Variants in FN3K observed in about 807,000 individuals in gnomAD.
FN3K encodes the protein fructosamine-3-kinase.
In FN3K, 24 loss-of-function variants were observed where a neutral mutation model predicts 24.8. The observed-to-expected ratio is 0.97, with a 90% CI of 0.70 to 1.36. The LOEUF is 1.36. Among genes scored for constraint, FN3K ranks in the 40% most tolerant of loss-of-function variants. The pLI is 0.00. For missense variants in FN3K, 449 were observed against 416.7 expected (o/e 1.08, Z -0.67); for synonymous variants, 192 against 175.2 (o/e 1.10, Z -0.76).
chr17:82,739,651 G>T (rs2046929715), intron 2 of FN3K, among the ~76,000 whole-genome samples: 1 of 152,012 alleles, frequency 6.6e-6, no homozygotes, highest in Admixed American at 6.6e-5. Context: ...TAGAGACGGG[G>T]TTTCACCATG....
chr17:82,735,925 G>C (rs937908176), intron 1 of FN3K, 148 bp downstream of exon 1: 1 of 1,048,706 alleles, frequency 9.5e-7, no homozygotes, highest in Non-Finnish European at 1.4e-6. Flanking sequence ...GGGTGAGCCC[G>C]GCTCAAGCGT....
intron 5 of FN3K, chr17:82,749,674 A>C (rs1459197223): frequency 1.3e-5 from 2 of 158,954 alleles, no homozygotes. Context: ...AAAAAGAAAA[A>C]AAATCAAAAT....
At chr17:82,737,513 G>A (rs1367258945) in intron 1 of FN3K, among the ~76,000 whole-genome samples, 2 of 152,072 alleles carry the variant, frequency 1.3e-5, no homozygotes, top group Non-Finnish European at 1.5e-5. Flanking sequence ...TAGTAGAGAC[G>A]AGGTTTCACC....
intron 4 of FN3K, among the ~76,000 whole-genome samples, chr17:82,748,057 C>T (rs151128178): frequency 3.9e-5 from 6 of 152,026 alleles, no homozygotes; most frequent in African/African-American, 7.2e-5. Context: ...GTTCATTAGT[C>T]GACTCCCTTT....
intron 1 of FN3K, chr17:82,736,142 T>G (rs1598339540): frequency 7.8e-6 from 2 of 255,046 alleles, no homozygotes; most frequent in African/African-American, 2.3e-5. Context: ...GCTGGGCCCC[T>G]GGCAGGGACC....
intron 4 of FN3K, among the ~76,000 whole-genome samples, chr17:82,743,712 A>T (rs912603759): frequency 2.6e-4 from 40 of 152,216 alleles, no homozygotes; most frequent in African/African-American, 9.4e-4. Flanking sequence ...AATGTCACTG[A>T]TCCGTTTTAT....
chr17:82,735,635 C>A lies in FN3K; in HGVS notation c.-2C>A, dbSNP rs1287057839. The A allele has an allele frequency of 6.5e-7, 1 of 1,533,698 alleles. No individual in the cohort carries two copies. Among genetic ancestry groups the A allele is most frequent in the Non-Finnish European group, 8.7e-7 (1 of 1,148,592 alleles). On this transcript the variant is annotated 5_prime_UTR_variant, in exon 1 of 6. Coordinates refer to ENST00000300784, the MANE Select transcript of FN3K (RefSeq NM_022158.4). ...CGAGCAGAGTCCCGCGCCCCGCACT[C>A]CATGGAGCAGCTGCTGCGCGCCGAG...
chr17:82,738,947 T>TATACGTGTATATATATATATACGTA (rs1491164859), intron 2 of FN3K, among the ~76,000 whole-genome samples: 2 of 65,284 alleles, frequency 3.1e-5, no homozygotes, highest in African/African-American at 1.3e-4. Flanking sequence ...TATATATATA[T>TATACGTGTATATATATATATACGTA]TTTTTTTTTT....
intron 2 of FN3K, among the ~76,000 whole-genome samples, chr17:82,740,245 T>C (rs2046932980): frequency 6.6e-6 from 1 of 152,082 alleles, no homozygotes. Context: ...TCAGCATTCC[T>C]CCCTTAATTC....
At chr17:82,747,792 A>C (rs1438115216) in intron 4 of FN3K, among the ~76,000 whole-genome samples, 1 of 152,186 alleles carries the variant, frequency 6.6e-6, no homozygotes, top group Non-Finnish European at 1.5e-5. Context: ...GAGAAATCCT[A>C]CTCTATTCCT....
Position 82,750,883 on chromosome 17 carries a change from T to TC in FN3K, c.*134dup. On this transcript the variant is annotated 3_prime_UTR_variant, in exon 6 of 6. Coordinates refer to ENST00000300784, the MANE Select transcript of FN3K (RefSeq NM_022158.4). ...CCGTCTCCCCGTCCCTCCGTCTCCATCCCCCCGTCCCCCCATCCTCCTGTC... is the reference window on the plus strand; with the variant it reads ...CCGTCTCCCCGTCCCTCCGTCTCCATCCCCCCCGTCCCCCCATCCTCCTGTC... 5.0e-6 allele frequency: 2 copies of TC among 401,188 alleles called. No homozygotes were observed. The highest frequency in any genetic ancestry group is 4.3e-6 in the Non-Finnish European group (1 of 234,432). The allele number at this position is 401,188 out of a possible 1,614,324, so 24.9% of individuals were successfully genotyped here.
chr17:82,742,059 C>T (rs1319865145), intron 4 of FN3K, among the ~76,000 whole-genome samples: 1 of 152,160 alleles, frequency 6.6e-6, no homozygotes, highest in Non-Finnish European at 1.5e-5. Flanking sequence ...AGGCATGCAC[C>T]ACCACACCCG....
chr17:82,749,067 A>C (rs770619023), intron 5 of FN3K, 90 bp downstream of exon 5: 2 of 1,572,358 alleles, frequency 1.3e-6, no homozygotes, highest in Non-Finnish European at 1.7e-6. Context: ...ACGGAGCTGG[A>C]GCAGGGAACA....
chr17:82,746,465 G>A (rs1011115461), intron 4 of FN3K, among the ~76,000 whole-genome samples: 17 of 151,888 alleles, frequency 1.1e-4, no homozygotes, highest in Admixed American at 1.1e-3. Flanking sequence ...TATGATTTGC[G>A]AATAGTGTCT....
At position 82,738,463 on chromosome 17, in the gene FN3K, C is replaced by T. The variant is rs978853573; in HGVS notation, c.142-26C>T. On this transcript the variant is annotated intron_variant, in intron 1 of 5. Transcript: ENST00000300784. ...AGAGGCCCTGGCTGAGTCAACAAGG[C>T]TGACAAGGCTGTGTTCTGGATGCAG... The T allele has an allele frequency of 2.5e-6, 4 of 1,611,544 alleles. No homozygotes were observed. The African/African-American group carries it at 4.0e-5, about 16-fold the overall frequency.
At chr17:82,738,940 A>ACGTGTGTATATACACGTGTG (rs1568067663) in intron 2 of FN3K, among the ~76,000 whole-genome samples, 1 of 102,346 alleles carries the variant, frequency 9.8e-6, no homozygotes, top group African/African-American at 4.1e-5. Flanking sequence ...ATATATATAT[A>ACGTGTGTATATACACGTGTG]TATATATTTT....
At chr17:82,749,377 A>C in intron 5 of FN3K, 1 of 329,586 alleles carries the variant, frequency 3.0e-6, no homozygotes, top group Non-Finnish European at 5.9e-6. Flanking sequence ...TCAAAACATA[A>C]CTCTCGGCCG....
At position 82,750,527 on chromosome 17, in the gene FN3K, C is replaced by G. The variant is rs759880975; in HGVS notation, c.702C>G (p.Asp234Glu). Residue 234 changes from aspartate (D) to glutamate (E), a missense_variant, in exon 6 of 6, where the codon GAC becomes GAG. Physicochemically the swap from Asp to Glu is conservative, Grantham distance 45. Coordinates refer to ENST00000300784, the MANE Select transcript of FN3K (RefSeq NM_022158.4). ...AEDDVGPIIY[D>E]PASFYGHSEF... ...ACGACGTGGGGCCCATTATTTACGA[C>G]CCGGCTTCCTTCTATGGCCATTCCG... 22 of 1,614,072 alleles carry G rather than the reference C, an allele frequency of 1.4e-5. No individual in the cohort carries two copies. The highest frequency in any genetic ancestry group is 2.7e-5 in the African/African-American group (2 of 74,926).
At chr17:82,735,828 GA>G in intron 1 of FN3K, 51 bp downstream of exon 1, 1 of 1,529,344 alleles carries the variant, frequency 6.5e-7, no homozygotes. Flanking sequence ...CGGGGCCTGG[GA>G]AGGCGGAGGG....
Sources: gnomAD v4.1 joint callset for allele counts (sites outside exome capture counted in the v4.1 genomes callset) on GRCh38, gnomAD v4.1.1 for gene constraint, MANE v1.5 for transcripts, NCBI Gene and HGNC (gene_info 2026-07-23, HGNC 2026-07-21) for gene names.